IL15: variants seen among roughly 807,000 people sequenced by gnomAD.
The protein encoded by IL15 is interleukin 15, also known as interleukin-15.
Under a neutral mutation model 19.6 loss-of-function variants are expected in IL15, and 11 were observed. The ratio of observed to expected loss-of-function variants is 0.56; its 90% CI spans 0.35 to 0.93. IL15 has a LOEUF of 0.93. Ranked by LOEUF, IL15 falls within the 40% of genes least tolerant of loss-of-function variation. The pLI, the probability that IL15 is intolerant of heterozygous loss-of-function variation, is 0.01. For missense variants in IL15, 197 were observed against 186.5 expected (o/e 1.06, Z -0.33); for synonymous variants, 58 against 59.6 (o/e 0.97, Z 0.12).
intron 4 of IL15, chr4:141,720,865 T>C: frequency 1.9e-6 from 1 of 535,156 alleles, no homozygotes; most frequent in Non-Finnish European, 3.3e-6. Context: ...ATATTTTTCA[T>C]GGCAATTAAA....
At chr4:141,682,951 C>G (rs570534343) in intron 2 of IL15, among the ~76,000 whole-genome samples, 71 of 151,640 alleles carry the variant, frequency 4.7e-4, no homozygotes, top group African/African-American at 1.7e-3. Context: ...GATTCCATCT[C>G]AAAAGAAAAA....
intron 2 of IL15, among the ~76,000 whole-genome samples, chr4:141,656,694 G>A (rs1303004653): frequency 6.6e-6 from 1 of 152,152 alleles, no homozygotes; most frequent in Non-Finnish European, 1.5e-5. Context: ...CTGGGTCATA[G>A]TTTGATAGTT....
chr4:141,714,983 C>T (rs1337634003), intron 2 of IL15: 1 of 152,132 alleles, frequency 6.6e-6, no homozygotes, highest in Non-Finnish European at 1.5e-5. Context: ...GCCTTTCAAA[C>T]TCAGCATGTC....
intron 2 of IL15, among the ~76,000 whole-genome samples, chr4:141,711,129 A>G (rs1288647272): frequency 1.3e-5 from 2 of 152,160 alleles, no homozygotes; most frequent in Admixed American, 1.3e-4. Flanking sequence ...TGTATACTGT[A>G]TGCTTAAAAC....
At chr4:141,694,572 A>G (rs1018871749) in intron 2 of IL15, among the ~76,000 whole-genome samples, 7 of 152,166 alleles carry the variant, frequency 4.6e-5, no homozygotes, top group African/African-American at 1.7e-4. Flanking sequence ...AAGGCCTGCA[A>G]TAGAAATAAC....
At chr4:141,698,903 C>A (rs1729191079) in intron 2 of IL15, among the ~76,000 whole-genome samples, 1 of 150,774 alleles carries the variant, frequency 6.6e-6, no homozygotes, top group African/African-American at 2.4e-5. Context: ...CTCTTAAGTT[C>A]CTTGAGGTGT....
At chr4:141,671,616 A>G (rs1456686671) in intron 2 of IL15, among the ~76,000 whole-genome samples, 1 of 152,152 alleles carries the variant, frequency 6.6e-6, no homozygotes, top group Non-Finnish European at 1.5e-5. Flanking sequence ...AGCCGCTTTC[A>G]TCATGCAGTT....
intron 2 of IL15, among the ~76,000 whole-genome samples, chr4:141,681,444 T>C (rs1728529281): frequency 6.6e-6 from 1 of 152,132 alleles, no homozygotes; most frequent in African/African-American, 2.4e-5. Flanking sequence ...AATAAATAAA[T>C]AAAAGGGTAA....
chr4:141,666,810 G>A (rs2152165200), intron 2 of IL15, among the ~76,000 whole-genome samples: 1 of 152,288 alleles, frequency 6.6e-6, no homozygotes, highest in Non-Finnish European at 1.5e-5. Flanking sequence ...AAGGGGTCCT[G>A]CACCATACCC....
Position 141,732,966 on chromosome 4 carries a change from A to C in IL15, c.*118A>C. 7.0e-7 allele frequency: 1 copy of C among 1,436,802 alleles called. No homozygotes were observed. Among genetic ancestry groups the C allele is most frequent in the Non-Finnish European group, 9.2e-7 (1 of 1,091,226 alleles). The allele number at this position is 1,436,802 out of a possible 1,614,324, so 89.0% of individuals were successfully genotyped here. ...GTCAAAACAAGTTTTTCTGTCAAGA[A>C]GATGATCAGACCTTGGATCAGATGA... On this transcript the variant is annotated 3_prime_UTR_variant, in exon 8 of 8. Coordinates refer to ENST00000320650, the MANE Select transcript of IL15 (RefSeq NM_000585.5).
At chr4:141,671,040 T>C (rs1336808465) in intron 2 of IL15, among the ~76,000 whole-genome samples, 2 of 152,220 alleles carry the variant, frequency 1.3e-5, no homozygotes, top group Non-Finnish European at 2.9e-5. Context: ...GACTCATTTA[T>C]CTATCCATTC....
At chr4:141,648,985 A>T (rs943682992) in intron 1 of IL15, among the ~76,000 whole-genome samples, 7 of 152,148 alleles carry the variant, frequency 4.6e-5, no homozygotes, top group African/African-American at 1.7e-4. Context: ...GATTCTCTTT[A>T]GGAACTTATT....
chr4:141,682,455 G>A (rs941534877), intron 2 of IL15, among the ~76,000 whole-genome samples: 8 of 152,112 alleles, frequency 5.3e-5, no homozygotes, highest in African/African-American at 1.9e-4. Flanking sequence ...TAAAGTACTA[G>A]CTAGAATATA....
chr4:141,708,226 G>T (rs961826005), intron 2 of IL15, among the ~76,000 whole-genome samples: 9 of 152,214 alleles, frequency 5.9e-5, no homozygotes, highest in Admixed American at 5.9e-4. Flanking sequence ...TGAGATAGTG[G>T]TGTGCCATGT....
intron 2 of IL15, among the ~76,000 whole-genome samples, chr4:141,700,294 AT>A (rs1241789256): frequency 6.6e-6 from 1 of 151,984 alleles, no homozygotes; most frequent in African/African-American, 2.4e-5. Context: ...TTCTTTTAGG[AT>A]TTCTTGTAGT....
chr4:141,725,501 T>C (rs1393959518), intron 5 of IL15, among the ~76,000 whole-genome samples: 1 of 152,174 alleles, frequency 6.6e-6, no homozygotes, highest in Non-Finnish European at 1.5e-5. Flanking sequence ...GCTGGTACCC[T>C]GATTTCAGAC....
chr4:141,666,734 C>A (rs72615958), intron 2 of IL15, among the ~76,000 whole-genome samples: 4 of 151,992 alleles, frequency 2.6e-5, no homozygotes, highest in African/African-American at 9.7e-5. Context: ...CATCTTCCCC[C>A]CTTTGTGTCT....
chr4:141,728,132 T>G, intron 6 of IL15, 148 bp downstream of exon 6: 1 of 533,290 alleles, frequency 1.9e-6, no homozygotes, highest in South Asian at 2.6e-5. Flanking sequence ...TATTAGTGAT[T>G]ATTGAGATGG....
At chr4:141,700,077 C>A (rs1729233683) in intron 2 of IL15, among the ~76,000 whole-genome samples, 1 of 151,978 alleles carries the variant, frequency 6.6e-6, no homozygotes, top group Non-Finnish European at 1.5e-5. Context: ...CACCACCATG[C>A]CTGGCTAATT....
Sources: allele counts gnomAD v4.1 joint callset (sites outside exome capture counted in the v4.1 genomes callset), GRCh38; gene constraint gnomAD v4.1.1; transcripts MANE v1.5; gene names NCBI Gene and HGNC (gene_info 2026-07-23, HGNC 2026-07-21).